CDS1: variants seen among roughly 807,000 people sequenced by gnomAD.
CDS1 encodes the protein phosphatidate cytidylyltransferase 1.
CDS1 carries 41 observed loss-of-function variants against 62.1 expected under a neutral mutation model. The observed-to-expected ratio is 0.66, with a 90% CI of 0.51 to 0.86. The LOEUF (loss-of-function observed/expected upper bound fraction) is 0.86. Among genes scored for constraint, CDS1 ranks in the 40% least tolerant of loss-of-function variants. The pLI is 0.00. For synonymous variants in CDS1, 185 were observed against 192.6 expected (o/e 0.96, Z 0.32); for missense variants, 470 against 550.1 (o/e 0.85, Z 1.46).
In CDS1 at chr4:84,588,343, T is replaced by A. The variant is rs560557965; in HGVS notation, c.117+4825T>A. Among the ~76,000 whole-genome samples, 25 of 152,344 alleles carry A rather than the reference T, an allele frequency of 1.6e-4. No homozygotes were observed. In the South Asian group the frequency reaches 5.2e-3, roughly 32 times the overall value. On this transcript the variant is annotated intron_variant, in intron 1 of 12. Coordinates refer to ENST00000295887, the MANE Select transcript of CDS1 (RefSeq NM_001263.4). ...GCAGCTTCTTTCATAAATACATTAT[T>A]ATTTTCAAATAAACTTTTAATTTTG...
intron 1 of CDS1, among the ~76,000 whole-genome samples, chr4:84,596,723 G>A (rs1722764131): frequency 6.6e-6 from 1 of 152,156 alleles, no homozygotes; most frequent in Non-Finnish European, 1.5e-5. Context: ...GGGGAGTGGG[G>A]AGGGAACCAT....
intron 2 of CDS1, among the ~76,000 whole-genome samples, chr4:84,607,083 C>T (rs1322493296): frequency 6.6e-6 from 1 of 151,980 alleles, no homozygotes; most frequent in South Asian, 2.1e-4. Flanking sequence ...GTTTGTTAAA[C>T]AATAGAGGGA....
At chr4:84,607,609 A>T (rs1723169961) in intron 2 of CDS1, among the ~76,000 whole-genome samples, 2 of 151,786 alleles carry the variant, frequency 1.3e-5, no homozygotes, top group Admixed American at 6.6e-5. Flanking sequence ...TAAGAAGGGA[A>T]TGAGGGCTGG....
At chr4:84,637,242 G>C (rs1228853408) in intron 8 of CDS1, among the ~76,000 whole-genome samples, 1 of 152,110 alleles carries the variant, frequency 6.6e-6, no homozygotes, top group African/African-American at 2.4e-5. Flanking sequence ...CATGATTTAC[G>C]TATTCAAGAG....
intron 5 of CDS1, among the ~76,000 whole-genome samples, chr4:84,622,122 T>G (rs1340636377): frequency 6.6e-6 from 1 of 152,238 alleles, no homozygotes; most frequent in African/African-American, 2.4e-5. Context: ...TGGAATGGAT[T>G]CTTTTTTTAT....
intron 5 of CDS1, among the ~76,000 whole-genome samples, chr4:84,628,089 T>A (rs892654013): frequency 1.3e-5 from 2 of 152,132 alleles, no homozygotes; most frequent in African/African-American, 4.8e-5. Context: ...CAATGCAGTG[T>A]GATTTTGAAT....
At position 84,595,890 on chromosome 4, in the gene CDS1, A is replaced by G. The variant is rs559893654; in HGVS notation, c.118-8353A>G. On this transcript the variant is annotated intron_variant, in intron 1 of 12. Coordinates refer to ENST00000295887, the MANE Select transcript of CDS1 (RefSeq NM_001263.4). ...AAATGAAACCATACAAAATAGTGTG[A>G]TCTTAATGTATAATAGAATGAGATA... is the stretch of plus-strand genomic sequence containing the variant. 7.7e-4 allele frequency among the ~76,000 whole-genome samples: 117 copies of G among 152,344 alleles called. 1 individual carries two copies. Among genetic ancestry groups the G allele is most frequent in the Admixed American group, 1.8e-3 (27 of 15,308 alleles).
chr4:84,584,980 G>A (rs558061349), intron 1 of CDS1, among the ~76,000 whole-genome samples: 119 of 152,306 alleles, frequency 7.8e-4, no homozygotes, highest in Admixed American at 4.5e-3. Flanking sequence ...GTATAGTTTA[G>A]CATCAAGGAA....
At chr4:84,618,269 T>TA (rs1723563546) in intron 4 of CDS1, among the ~76,000 whole-genome samples, 3 of 152,322 alleles carry the variant, frequency 2.0e-5, no homozygotes, top group African/African-American at 7.2e-5. Flanking sequence ...AGTGTCTTTT[T>TA]AAAACAGATG....
intron 3 of CDS1, among the ~76,000 whole-genome samples, chr4:84,612,903 C>T (rs1021584502): frequency 2.7e-5 from 4 of 150,242 alleles, no homozygotes; most frequent in Admixed American, 1.3e-4. Flanking sequence ...GCAGGAGAAT[C>T]GCTTGATCCT....
chr4:84,596,603 G>A (rs915090810), intron 1 of CDS1, among the ~76,000 whole-genome samples: 2 of 152,128 alleles, frequency 1.3e-5, no homozygotes, highest in Admixed American at 6.5e-5. Flanking sequence ...AGCTCACCAC[G>A]TCAAGATCAG....
intron 9 of CDS1, among the ~76,000 whole-genome samples, chr4:84,639,716 C>T (rs1436676102): frequency 1.3e-5 from 2 of 152,064 alleles, no homozygotes; most frequent in East Asian, 1.9e-4. Flanking sequence ...TACCTAGTAA[C>T]AACATGAAGC....
intron 12 of CDS1, 22 bp downstream of exon 12, chr4:84,645,347 T>G (rs1578057470): frequency 1.5e-6 from 2 of 1,365,266 alleles, no homozygotes; most frequent in Non-Finnish European, 2.1e-6. Flanking sequence ...CTTGAGACAT[T>G]TTTTAGATGA....
At chr4:84,635,923 A>G (rs1273133371) in intron 8 of CDS1, among the ~76,000 whole-genome samples, 1 of 151,076 alleles carries the variant, frequency 6.6e-6, no homozygotes, top group Non-Finnish European at 1.5e-5. Context: ...CACCCGGCTA[A>G]TTTTTGTATT....
chr4:84,585,166 A>G (rs991209075), intron 1 of CDS1, among the ~76,000 whole-genome samples: 2 of 152,244 alleles, frequency 1.3e-5, no homozygotes, highest in Non-Finnish European at 2.9e-5. Flanking sequence ...TTGACTCATT[A>G]GAACTGTTGT....
chr4:84,604,705 C>T (rs181820256), intron 2 of CDS1, among the ~76,000 whole-genome samples: 233 of 152,284 alleles, frequency 1.5e-3, no homozygotes, highest in African/African-American at 5.4e-3. Flanking sequence ...ATTAGAACAC[C>T]TAATAAAACT....
chr4:84,643,682 A>G (rs1490311711), intron 11 of CDS1, among the ~76,000 whole-genome samples: 1 of 152,212 alleles, frequency 6.6e-6, no homozygotes, highest in East Asian at 1.9e-4. Context: ...ATGTCAATGA[A>G]TGGGCATGGC....
intron 1 of CDS1, among the ~76,000 whole-genome samples, chr4:84,584,707 G>A (rs1295238023): frequency 1.3e-5 from 2 of 151,966 alleles, no homozygotes; most frequent in South Asian, 2.1e-4. Context: ...GTGATTCTTA[G>A]TACTAAAACT....
intron 3 of CDS1, among the ~76,000 whole-genome samples, chr4:84,615,275 A>G (rs576435116): frequency 2.0e-5 from 3 of 151,564 alleles, no homozygotes; most frequent in Non-Finnish European, 4.4e-5. Context: ...CTACTCCGCT[A>G]CCACTTCACC....
Sources: allele counts gnomAD v4.1 joint callset (sites outside exome capture counted in the v4.1 genomes callset), GRCh38; gene constraint gnomAD v4.1.1; transcripts MANE v1.5; gene names NCBI Gene and HGNC (gene_info 2026-07-23, HGNC 2026-07-21).